Variants in MON2 observed in about 807,000 individuals in gnomAD.
MON2 encodes the protein protein MON2 homolog.
MON2 carries 84 observed loss-of-function variants against 208.6 expected under a neutral mutation model. The observed-to-expected ratio is 0.40, with a 90% CI of 0.34 to 0.48. MON2 has a LOEUF of 0.48. MON2 is among the 20% of genes least tolerant of loss of function. The probability of loss-of-function intolerance (pLI) is 0.59; values close to 1 mark genes in which losing one functional copy is unlikely to be tolerated. For missense variants in MON2, 1,611 were observed against 2,015.4 expected (o/e 0.80, Z 3.84); for synonymous variants, 660 against 694.0 (o/e 0.95, Z 0.77).
intron 30 of MON2, among the ~76,000 whole-genome samples, chr12:62,577,588 G>T (rs1263563205): frequency 1.3e-5 from 2 of 151,980 alleles, no homozygotes. Context: ...ATAAATCTAG[G>T]TTGAGATTGT....
In MON2 at chr12:62,486,364, C is replaced by T. The variant is rs562181210; in HGVS notation, c.175+2131C>T. On this transcript the variant is annotated intron_variant, in intron 2 of 34. Transcript: ENST00000393630. ...TGAGTAAGAAAAATTTTGACTTAGTCGGTATGATTTAAATATATAGGCAGG... is the reference window on the plus strand; with the variant it reads ...TGAGTAAGAAAAATTTTGACTTAGTTGGTATGATTTAAATATATAGGCAGG... Among the ~76,000 whole-genome samples the T allele has an allele frequency of 3.4e-4, 51 of 151,586 alleles. 1 individual carries two copies. In the South Asian group the frequency reaches 0.01, roughly 31 times the overall value.
At chr12:62,557,474 A>C (rs1449004201) in intron 25 of MON2, among the ~76,000 whole-genome samples, 1 of 152,242 alleles carries the variant, frequency 6.6e-6, no homozygotes, top group East Asian at 1.9e-4. Flanking sequence ...CAGAAATGTC[A>C]ATGGACTAAG....
rs1285560913 is a variant in MON2 at position 62,598,466 on chromosome 12, T to TTTTTATCTAGAAAAAGAAAATA, written c.*5720_*5741dup. The TTTTTATCTAGAAAAAGAAAATA allele has an allele frequency of 2.0e-5, 3 of 152,174 alleles. No individual in the cohort carries two copies. In the East Asian group the frequency reaches 5.8e-4, roughly 29 times the overall value. 9.4% of individuals were successfully genotyped at this position (152,174 alleles called of 1,614,324 possible). ...ACTCCATACCTATATTGCAATTTTA[T>TTTTTATCTAGAAAAAGAAAATA]TTTTATCTAGAAAAAGAAAATATTA... On this transcript the variant is annotated 3_prime_UTR_variant, in exon 35 of 35. Coordinates refer to ENST00000393630, the MANE Select transcript of MON2 (RefSeq NM_015026.3).
intron 19 of MON2, among the ~76,000 whole-genome samples, chr12:62,538,830 T>C (rs1312613477): frequency 8.4e-6 from 1 of 118,778 alleles, no homozygotes; most frequent in Non-Finnish European, 2.2e-5. Context: ...TAATTACAAT[T>C]TATGATTGGG....
At chr12:62,470,114 C>G (rs1009461955) in intron 1 of MON2, among the ~76,000 whole-genome samples, 4 of 151,800 alleles carry the variant, frequency 2.6e-5, no homozygotes, top group African/African-American at 9.7e-5. Context: ...ACCATGTTGC[C>G]GAGGCTTGTC....
intron 23 of MON2, among the ~76,000 whole-genome samples, chr12:62,551,980 A>G (rs975009441): frequency 3.9e-5 from 6 of 152,144 alleles, no homozygotes; most frequent in Non-Finnish European, 8.8e-5. Context: ...TTTTTTTAAA[A>G]CAAGATAGTT....
At chr12:62,549,152 C>A (rs2073628988) in intron 22 of MON2, among the ~76,000 whole-genome samples, 1 of 151,930 alleles carries the variant, frequency 6.6e-6, no homozygotes, top group African/African-American at 2.4e-5. Flanking sequence ...TTCTTATTGC[C>A]TGTAAGCTTC....
At chr12:62,573,194 T>G (rs1339676224) in intron 30 of MON2, among the ~76,000 whole-genome samples, 1 of 152,236 alleles carries the variant, frequency 6.6e-6, no homozygotes, top group Non-Finnish European at 1.5e-5. Context: ...TAGGCGCTCA[T>G]AAACTATATT....
At chr12:62,586,679 T>C (rs900344675) in intron 33 of MON2, among the ~76,000 whole-genome samples, 7 of 152,278 alleles carry the variant, frequency 4.6e-5, no homozygotes, top group South Asian at 4.1e-4. Context: ...CAAAGACAGA[T>C]GTTAGTAATT....
At chr12:62,544,421 G>A (rs1290012504) in intron 20 of MON2, among the ~76,000 whole-genome samples, 1 of 152,026 alleles carries the variant, frequency 6.6e-6, no homozygotes, top group Non-Finnish European at 1.5e-5. Flanking sequence ...ATTCCAGACT[G>A]AGTAACAAAG....
chr12:62,537,947 G>A (rs2073057382), intron 16 of MON2, 149 bp from the exon 17 acceptor site: 2 of 695,536 alleles, frequency 2.9e-6, no homozygotes, highest in African/African-American at 3.6e-5. Context: ...TTATATGAAT[G>A]TTAATTAGTG....
Position 62,600,182 on chromosome 12 carries a change from G to A in MON2, c.*7433G>A, listed in dbSNP as rs2075596012. 2.0e-5 allele frequency: 3 copies of A among 152,218 alleles called. No homozygotes were observed. The highest frequency in any genetic ancestry group is 2.0e-4 in the Admixed American group (3 of 15,282). 9.4% of individuals were successfully genotyped at this position (152,218 alleles called of 1,614,324 possible). On this transcript the variant is annotated 3_prime_UTR_variant, in exon 35 of 35. Transcript: ENST00000393630. ...AAAATGTAGTGTGTTCTAAAGCGCT[G>A]TGCCTGGAGCATCATCACCACTAGG...
intron 14 of MON2, among the ~76,000 whole-genome samples, chr12:62,536,539 G>A (rs1307324292): frequency 6.6e-6 from 1 of 151,918 alleles, no homozygotes. Flanking sequence ...ACATACCAGG[G>A]ATACATGTTT....
At chr12:62,470,652 GT>G in intron 1 of MON2, 1 of 872,346 alleles carries the variant, frequency 1.1e-6, no homozygotes, top group Admixed American at 4.9e-5. Context: ...GAAGCTTTAT[GT>G]TTATGTATTT....
chr12:62,550,300 T>TGGGAGGATTGCTGAGGC (rs1448508440), intron 23 of MON2, among the ~76,000 whole-genome samples: 1 of 151,884 alleles, frequency 6.6e-6, no homozygotes, highest in Non-Finnish European at 1.5e-5. Context: ...GAGGCTGAGG[T>TGGGAGGATTGCTGAGGC]GGGAGGATTG....
chr12:62,515,780 A>G lies in MON2; in HGVS notation c.984+7300A>G, dbSNP rs190096835. Reference sequence around the variant, plus strand: ...CAGTGAACCGAGATCACACAATTGCACTCCAGCCTGGGTGACAAGAGCAAG... The same window carrying G: ...CAGTGAACCGAGATCACACAATTGCGCTCCAGCCTGGGTGACAAGAGCAAG... On this transcript the variant is annotated intron_variant, in intron 8 of 34. Coordinates refer to ENST00000393630, the MANE Select transcript of MON2 (RefSeq NM_015026.3). Among the ~76,000 whole-genome samples, 9 of 151,900 alleles carry G rather than the reference A, an allele frequency of 5.9e-5. No individual in the cohort carries two copies. In the East Asian group the frequency reaches 1.4e-3, roughly 23 times the overall value.
At chr12:62,521,334 C>A (rs1193901671) in intron 8 of MON2, among the ~76,000 whole-genome samples, 2 of 152,034 alleles carry the variant, frequency 1.3e-5, no homozygotes, top group Non-Finnish European at 2.9e-5. Flanking sequence ...TTAAGTAAAA[C>A]CATTTTTGTT....
chr12:62,513,797 A>C (rs1469356340), intron 8 of MON2, among the ~76,000 whole-genome samples: 2 of 132,210 alleles, frequency 1.5e-5, no homozygotes, highest in African/African-American at 5.1e-5. Context: ...AATACAAAAA[A>C]AAACTAGCCG....
intron 27 of MON2, 163 bp from the exon 28 acceptor site, chr12:62,565,851 T>A (rs1245291000): frequency 3.4e-6 from 2 of 589,066 alleles, no homozygotes; most frequent in Non-Finnish European, 5.8e-6. Context: ...ATAGCCATAG[T>A]TGGCAAATTT....
Sources: gnomAD v4.1 joint callset for allele counts (sites outside exome capture counted in the v4.1 genomes callset) on GRCh38, gnomAD v4.1.1 for gene constraint, MANE v1.5 for transcripts, NCBI Gene and HGNC (gene_info 2026-07-23, HGNC 2026-07-21) for gene names.